The following ABCA1 variants were observed in gnomAD, a reference collection of about 807,000 sequenced individuals.
ABCA1 encodes the protein phospholipid-transporting ATPase ABCA1.
Under a neutral mutation model 262.5 loss-of-function variants are expected in ABCA1, and 133 were observed. The ratio of observed to expected loss-of-function variants is 0.51; its 90% CI spans 0.44 to 0.59. The LOEUF is 0.59. Ranked by LOEUF, ABCA1 falls within the 20% of genes least tolerant of loss-of-function variation. The pLI is 0.00. For synonymous variants in ABCA1, 1,022 were observed against 1,043.5 expected (o/e 0.98, Z 0.40); for missense variants, 2,452 against 2,777.5 (o/e 0.88, Z 2.63).
Position 104,903,672 on chromosome 9 carries a change from C to T in ABCA1, c.8G>A (p.Cys3Tyr), listed in dbSNP as rs149491765. The change falls in exon 2 of 50, where the codon TGT (cysteine) becomes TAT (tyrosine). Residue 3 changes from cysteine (C) to tyrosine (Y), a missense_variant. This residue lies in a region of ABCA1 where 1,032 missense variants were observed against 1,089.7 expected (regional missense o/e 0.95). Coordinates refer to ENST00000374736, the MANE Select transcript of ABCA1 (RefSeq NM_005502.4). MA[C>Y]WPQLRLLLWK... ...CAGCAGCAACCTCAGCTGAGGCCAA[C>T]AAGCCATGTTCCCTCAGCCAGCACC... 25 of 1,579,764 alleles carry T rather than the reference C, an allele frequency of 1.6e-5. No individual in the cohort carries two copies. The highest frequency in any genetic ancestry group is 2.0e-5 in the Non-Finnish European group (23 of 1,162,484).
Position 104,793,170 on chromosome 9 carries a change from C to T in ABCA1, c.5636+1G>A, listed in dbSNP as rs908256532. ...TCCACGGGTTCTAAGAAAAAGCTCA[C>T]CTGGGCCTGATGAAGAATCTGTACT... On this transcript the variant is annotated splice_donor_variant, in intron 41 of 49. Transcript: ENST00000374736. LOFTEE classifies it high-confidence loss of function. 7.4e-6 allele frequency: 12 copies of T among 1,614,030 alleles called. No homozygotes were observed. The highest frequency in any genetic ancestry group is 1.0e-5 in the Non-Finnish European group (12 of 1,179,982).
chr9:104,886,298 A>G (rs1365689107), intron 3 of ABCA1, among the ~76,000 whole-genome samples: 1 of 152,158 alleles, frequency 6.6e-6, no homozygotes, highest in Non-Finnish European at 1.5e-5. Flanking sequence ...CAAAGTCAGG[A>G]CTTGCTGCAC....
intron 2 of ABCA1, among the ~76,000 whole-genome samples, chr9:104,894,770 C>A (rs1840057668): frequency 6.6e-6 from 1 of 152,210 alleles, no homozygotes; most frequent in Non-Finnish European, 1.5e-5. Flanking sequence ...GGGAGACTAG[C>A]ATGTATGAGT....
chr9:104,827,318 T>C lies in ABCA1; in HGVS notation c.2116-149A>G. On this transcript the variant is annotated intron_variant, in intron 15 of 49. Coordinates refer to ENST00000374736, the MANE Select transcript of ABCA1 (RefSeq NM_005502.4). The stretch of plus-strand genomic sequence containing the variant: ...CTGTTCATCTTTCTGATGAGGCAAC[T>C]GATCATTACCATCCTAAAGAAGATA... 4.1e-6 allele frequency: 3 copies of C among 738,774 alleles called. No homozygotes were observed. The East Asian group carries it at 8.1e-5, about 20-fold the overall frequency. The allele number at this position is 738,774 out of a possible 1,614,324, so 45.8% of individuals were successfully genotyped here. A position where few individuals can be genotyped will look rare whatever the true frequency, so the allele number is the denominator to read the frequency against.
At chr9:104,861,630 A>C (rs375062652) in intron 6 of ABCA1, 49 bp downstream of exon 6, 61 of 1,612,904 alleles carry the variant, frequency 3.8e-5, no homozygotes, top group Non-Finnish European at 4.7e-5. Flanking sequence ...GTAGCTGCAC[A>C]ACGTAATTGC....
Position 104,861,704 on chromosome 9 carries a change from A to C in ABCA1, c.518T>G (p.Leu173Arg), listed in dbSNP as rs775953765. Residue 173 changes from leucine to arginine, a missense_variant, in exon 6 of 50, where the codon CTG becomes CGG. Transcript: ENST00000374736. ...CTTGTGGAGAATGACATCAGCCCTC[A>C]GCATCTTGTCCACAGTAGACTTTGG... ...SLPKSTVDKM[L>R]RADVILHKVF... 2 of 1,614,180 alleles carry C rather than the reference A, an allele frequency of 1.2e-6. No individual in the cohort carries two copies. The highest frequency in any genetic ancestry group is 1.7e-6 in the Non-Finnish European group (2 of 1,180,028).
In ABCA1 at chr9:104,840,264, T is replaced by C; in HGVS notation, c.1054+15A>G. On this transcript the variant is annotated intron_variant, in intron 9 of 49. Coordinates refer to ENST00000374736, the MANE Select transcript of ABCA1 (RefSeq NM_005502.4). Reference sequence around the variant, plus strand: ...TGGGGTTGGGGACAGGGCTGGGGTCTGCATGGACACTCACTTGTAGAGTTG... The same window carrying C: ...TGGGGTTGGGGACAGGGCTGGGGTCCGCATGGACACTCACTTGTAGAGTTG... 6.2e-7 allele frequency: 1 copy of C among 1,614,134 alleles called. No individual in the cohort carries two copies. Among genetic ancestry groups the C allele is most frequent in the South Asian group, 1.1e-5 (1 of 91,068 alleles).
rs1328514560 is a variant in ABCA1, at chr9:104,840,367, G to A, written c.966C>T (p.Leu322=). The A allele has an allele frequency of 6.2e-7, 1 of 1,614,232 alleles. No individual in the cohort carries two copies. Among genetic ancestry groups the A allele is most frequent in the South Asian group, 1.1e-5 (1 of 91,080 alleles). Residue 322 remains leucine, a synonymous_variant, in exon 9 of 50, where the codon CTC becomes CTT. Transcript: ENST00000374736. Reference sequence around the variant, plus strand: ...TGTAGTTGTTGTCCTCATACCAGTTGAGAGACTTGATCTTCAGCCCCCCTC... The same window carrying A: ...TGTAGTTGTTGTCCTCATACCAGTTAAGAGACTTGATCTTCAGCCCCCCTC... ...PEGGGLKIKS[L]NWYEDNNYKA...
chr9:104,794,915 T>G (rs1315441073), intron 39 of ABCA1, among the ~76,000 whole-genome samples: 1 of 152,222 alleles, frequency 6.6e-6, no homozygotes, highest in Non-Finnish European at 1.5e-5. Context: ...ACATCAGAAC[T>G]TATGATCCCA....
At chr9:104,865,057 A>G (rs1157800604) in intron 5 of ABCA1, among the ~76,000 whole-genome samples, 1 of 152,238 alleles carries the variant, frequency 6.6e-6, no homozygotes, top group African/African-American at 2.4e-5. Flanking sequence ...AAGAACTTGC[A>G]GCCTGATCAC....
At chr9:104,856,527 C>G (rs1047898182) in intron 7 of ABCA1, among the ~76,000 whole-genome samples, 1 of 152,182 alleles carries the variant, frequency 6.6e-6, no homozygotes, top group East Asian at 1.9e-4. Context: ...CACTCTGTCA[C>G]GCTGCTAATC....
At chr9:104,858,097 G>A (rs1035503185) in intron 7 of ABCA1, among the ~76,000 whole-genome samples, 9 of 152,006 alleles carry the variant, frequency 5.9e-5, no homozygotes, top group African/African-American at 1.9e-4. Flanking sequence ...CCTTCCAACT[G>A]TGACAGCCCA....
intron 2 of ABCA1, among the ~76,000 whole-genome samples, chr9:104,897,291 G>T (rs779657112): frequency 6.6e-6 from 1 of 152,114 alleles, no homozygotes; most frequent in African/African-American, 2.4e-5. Flanking sequence ...TGCATTGATG[G>T]TGGCTATTTA....
At chr9:104,882,487 G>A (rs999585338) in intron 5 of ABCA1, among the ~76,000 whole-genome samples, 1 of 152,130 alleles carries the variant, frequency 6.6e-6, no homozygotes, top group Non-Finnish European at 1.5e-5. Context: ...CCTCCTGGGT[G>A]GCACACAAGA....
chr9:104,837,060 C>T lies in ABCA1; in HGVS notation c.1231G>A (p.Asp411Asn). 1 of 1,613,972 alleles carries T rather than the reference C, an allele frequency of 6.2e-7. No homozygotes were observed. The highest frequency in any genetic ancestry group is 8.5e-7 in the Non-Finnish European group (1 of 1,180,040). ...AGTTCCTCCCACATGCCTTCCAGAT[C>T]ATGGAACACAGCCAGTTCCTGGAAG... Reference protein sequence around the residue: ...KTFQELAVFHDLEGMWEELSP... With the variant: ...KTFQELAVFHNLEGMWEELSP... Residue 411 changes from aspartate (D) to asparagine (N), a missense_variant, in exon 11 of 50, where the codon GAT becomes AAT. This residue lies in a region of ABCA1 where 1,032 missense variants were observed against 1,089.7 expected (regional missense o/e 0.95). Transcript: ENST00000374736.
chr9:104,923,264 CCT>C (rs1842245709), intron 1 of ABCA1, among the ~76,000 whole-genome samples: 1 of 152,092 alleles, frequency 6.6e-6, no homozygotes, highest in African/African-American at 2.4e-5. Flanking sequence ...TTTCTTAGGC[CCT>C]TACAGCCTAA....
intron 17 of ABCA1, 99 bp from the exon 18 acceptor site, chr9:104,824,677 G>T: frequency 1.5e-6 from 2 of 1,369,452 alleles, no homozygotes; most frequent in Non-Finnish European, 2.0e-6. Flanking sequence ...ATCCTTTGGA[G>T]AAGGAACAGA....
chr9:104,856,789 G>A (rs1375604435), intron 7 of ABCA1, among the ~76,000 whole-genome samples: 1 of 152,218 alleles, frequency 6.6e-6, no homozygotes, highest in Admixed American at 6.5e-5. Flanking sequence ...CCAGCTGAAA[G>A]GGTGAGCATT....
At chr9:104,819,533 AG>A (rs1564126366) in intron 22 of ABCA1, 52 bp downstream of exon 22, 2 of 1,612,362 alleles carry the variant, frequency 1.2e-6, no homozygotes, top group East Asian at 4.5e-5. Context: ...ACTTCTCAAA[AG>A]CCCCCCGCTC....
Sources: gnomAD v4.1 joint callset for allele counts (sites outside exome capture counted in the v4.1 genomes callset) on GRCh38, gnomAD v4.1.1 for gene constraint, gnomAD v4.1.1 regional missense constraint, MANE v1.5 for transcripts, NCBI Gene and HGNC (gene_info 2026-07-23, HGNC 2026-07-21) for gene names.